CSGALNACT1: variants seen among roughly 807,000 people sequenced by gnomAD.
CSGALNACT1 encodes the protein beta4GalNAcT-1.
A neutral mutation model predicts 51.0 loss-of-function variants in CSGALNACT1; 52 were observed. The ratio of observed to expected loss-of-function variants is 1.02; its 90% CI spans 0.82 to 1.29. The LOEUF (loss-of-function observed/expected upper bound fraction) is 1.29, where lower values mean the gene tolerates loss of function less well. Among genes scored for constraint, CSGALNACT1 ranks in the 50% most tolerant of loss-of-function variants. The pLI is 0.00. For synonymous variants in CSGALNACT1, 341 were observed against 254.4 expected, an observed-to-expected ratio of 1.34 and a Z score of -3.24; for missense variants, 935 against 679.2, an observed-to-expected ratio of 1.38 and a Z score of -4.19.
intron 1 of CSGALNACT1, among the ~76,000 whole-genome samples, chr8:19,679,757 G>T (rs963259273): frequency 3.9e-5 from 6 of 152,058 alleles, no homozygotes; most frequent in African/African-American, 1.4e-4. Flanking sequence ...TTATGAAAAC[G>T]CCACTCTTAG....
chr8:19,651,097 T>G (rs1464874909), intron 1 of CSGALNACT1, among the ~76,000 whole-genome samples: 6 of 152,176 alleles, frequency 3.9e-5, no homozygotes. Flanking sequence ...AAAGCTTTTC[T>G]GAAAAGGGTC....
At chr8:19,412,781 G>GA (rs1563272845) in intron 8 of CSGALNACT1, among the ~76,000 whole-genome samples, 1 of 151,904 alleles carries the variant, frequency 6.6e-6, no homozygotes, top group Non-Finnish European at 1.5e-5. Flanking sequence ...GGCCTGGGAG[G>GA]AGAAGACTCC....
intron 5 of CSGALNACT1, among the ~76,000 whole-genome samples, chr8:19,452,418 GAA>G (rs58527794): frequency 0.046 from 6,708 of 146,452 alleles, 168 homozygotes; most frequent in Middle Eastern, 0.08. Context: ...ACCCCTGGGG[GAA>G]AAAAAAAAAA....
At chr8:19,746,510 T>C (rs1326276936) in intron 1 of CSGALNACT1, among the ~76,000 whole-genome samples, 1 of 152,216 alleles carries the variant, frequency 6.6e-6, no homozygotes, top group East Asian at 1.9e-4. Context: ...TCATCTTAGA[T>C]AAGTCACTTA....
intron 1 of CSGALNACT1, among the ~76,000 whole-genome samples, chr8:19,733,550 C>A (rs568424431): frequency 1.3e-5 from 2 of 152,166 alleles, no homozygotes; most frequent in African/African-American, 4.8e-5. Context: ...TATGGATTAT[C>A]GCTCACCTCC....
At chr8:19,407,927 G>GCATGTGGACATTTGTGTATATGAAT (rs2054665675) in intron 9 of CSGALNACT1, among the ~76,000 whole-genome samples, 1 of 109,890 alleles carries the variant, frequency 9.1e-6, no homozygotes, top group African/African-American at 3.0e-5. Flanking sequence ...GTGTGTGTGT[G>GCATGTGGACATTTGTGTATATGAAT]TGTGTGTGTG....
intron 3 of CSGALNACT1, among the ~76,000 whole-genome samples, chr8:19,587,438 C>T (rs1012941987): frequency 3.3e-5 from 5 of 152,150 alleles, no homozygotes; most frequent in Non-Finnish European, 7.4e-5. Context: ...GATGCTGTGT[C>T]CCACCCTCCC....
intron 1 of CSGALNACT1, among the ~76,000 whole-genome samples, chr8:19,655,779 GT>G (rs2058219742): frequency 6.6e-6 from 1 of 151,860 alleles, no homozygotes; most frequent in Admixed American, 6.6e-5. Context: ...TTCACTTATT[GT>G]ACAAAAATAT....
chr8:19,416,929 C>A (rs1414086946), intron 8 of CSGALNACT1, among the ~76,000 whole-genome samples: 2 of 151,820 alleles, frequency 1.3e-5, no homozygotes, highest in African/African-American at 4.8e-5. Flanking sequence ...GTGGTGCGAT[C>A]TCAGCTCACT....
chr8:19,639,368 G>A (rs1340048286), intron 1 of CSGALNACT1, among the ~76,000 whole-genome samples: 3 of 152,150 alleles, frequency 2.0e-5, no homozygotes, highest in African/African-American at 7.2e-5. Flanking sequence ...TTGGATTAAT[G>A]AGAATTTTGC....
At chr8:19,615,710 G>A (rs1442932908) in intron 1 of CSGALNACT1, among the ~76,000 whole-genome samples, 1 of 152,100 alleles carries the variant, frequency 6.6e-6, no homozygotes, top group East Asian at 1.9e-4. Flanking sequence ...CTGTTTACAA[G>A]ACAGATCTAA....
At chr8:19,428,134 T>C (rs1300709982) in intron 6 of CSGALNACT1, among the ~76,000 whole-genome samples, 2 of 152,156 alleles carry the variant, frequency 1.3e-5, no homozygotes, top group Admixed American at 6.5e-5. Flanking sequence ...GGATGGATAA[T>C]TCCCAGCTCC....
chr8:19,513,788 C>T (rs1382524367), intron 3 of CSGALNACT1, among the ~76,000 whole-genome samples: 1 of 151,974 alleles, frequency 6.6e-6, no homozygotes, highest in Non-Finnish European at 1.5e-5. Flanking sequence ...TCAACTGTAA[C>T]ACTATGGTAT....
At chr8:19,625,995 A>G (rs888879691) in intron 1 of CSGALNACT1, among the ~76,000 whole-genome samples, 1 of 152,230 alleles carries the variant, frequency 6.6e-6, no homozygotes, top group Non-Finnish European at 1.5e-5. Context: ...TAAAACACAT[A>G]CAGGATGAAG....
At chr8:19,638,045 T>A (rs551916015) in intron 1 of CSGALNACT1, among the ~76,000 whole-genome samples, 115 of 152,278 alleles carry the variant, frequency 7.6e-4, no homozygotes, top group Admixed American at 2.4e-3. Flanking sequence ...TGAGGAAGTT[T>A]CGATGAAGGT....
chr8:19,477,536 T>TA (rs1297033282), intron 4 of CSGALNACT1, among the ~76,000 whole-genome samples: 1 of 152,200 alleles, frequency 6.6e-6, no homozygotes, highest in Non-Finnish European at 1.5e-5. Flanking sequence ...CTCTCTAATA[T>TA]AAAAATGCGC....
chr8:19,406,332 G>C (rs994024391), intron 9 of CSGALNACT1, among the ~76,000 whole-genome samples: 2 of 151,774 alleles, frequency 1.3e-5, no homozygotes, highest in African/African-American at 4.8e-5. Context: ...GCATTCAAGA[G>C]TTATCAGCAA....
chr8:19,410,174 A>C (rs537741483), intron 8 of CSGALNACT1, among the ~76,000 whole-genome samples: 2 of 152,206 alleles, frequency 1.3e-5, no homozygotes, highest in South Asian at 2.1e-4. Flanking sequence ...CTGCTCAAGG[A>C]AAGTAGAACC....
chr8:19,513,948 G>A (rs1302398844), intron 3 of CSGALNACT1, among the ~76,000 whole-genome samples: 2 of 152,104 alleles, frequency 1.3e-5, no homozygotes, highest in African/African-American at 4.8e-5. Context: ...ACCTGAAAAT[G>A]AGCATAATAG....
Sources: gnomAD v4.1 joint callset for allele counts (sites outside exome capture counted in the v4.1 genomes callset) on GRCh38, gnomAD v4.1.1 for gene constraint, MANE v1.5 for transcripts, NCBI Gene and HGNC (gene_info 2026-07-23, HGNC 2026-07-21) for gene names.